The following ANXA8 variants were observed in gnomAD, a reference collection of about 807,000 sequenced individuals.
ANXA8 encodes the protein VAC-beta.
In ANXA8, 9 loss-of-function variants were observed where a neutral mutation model predicts 26.8. That is an observed-to-expected ratio of 0.34 (90% CI 0.20 to 0.59). ANXA8 has a LOEUF of 0.59. Ranked by LOEUF, ANXA8 falls within the 20% of genes least tolerant of loss-of-function variation. ANXA8 has a pLI of 0.84. For synonymous variants in ANXA8, 39 were observed against 94.8 expected (o/e 0.41, Z 3.42); for missense variants, 83 against 238.5 (o/e 0.35, Z 4.29).
the ANXA8 span, among the ~76,000 whole-genome samples, chr10:47,712,790 AC>A: frequency 1.2e-5 from 1 of 82,276 alleles, no homozygotes; most frequent in Non-Finnish European, 2.3e-5. Context: ...AGCATAAGGC[AC>A]TTTTTTTTTT....
chr10:47,694,417 C>CTTTTTTTTT, the ANXA8 span, among the ~76,000 whole-genome samples: 1 of 107,962 alleles, frequency 9.3e-6, no homozygotes, highest in Non-Finnish European at 1.8e-5. Context: ...AGAAATCTTC[C>CTTTTTTTTT]TTTTTTTTTT....
At chr10:47,682,643 G>A in the ANXA8 span, among the ~76,000 whole-genome samples, 1 of 151,340 alleles carries the variant, frequency 6.6e-6, no homozygotes, top group South Asian at 2.1e-4. Flanking sequence ...CAAATTTTTT[G>A]TGTTTTTAGT....
At chr10:47,671,351 G>T in the ANXA8 span, among the ~76,000 whole-genome samples, 3 of 151,798 alleles carry the variant, frequency 2.0e-5, no homozygotes, top group African/African-American at 7.3e-5. Flanking sequence ...GAGCCCAGGA[G>T]GTCAAGGCTG....
At chr10:47,664,713 G>A in the ANXA8 span, among the ~76,000 whole-genome samples, 2 of 149,534 alleles carry the variant, frequency 1.3e-5, no homozygotes, top group Non-Finnish European at 3.0e-5. Flanking sequence ...CGAGCCAGAG[G>A]AATATTGGGT....
the ANXA8 span, among the ~76,000 whole-genome samples, chr10:47,935,738 G>A: frequency 1.1e-4 from 15 of 139,136 alleles, no homozygotes; most frequent in African/African-American, 4.1e-4. Flanking sequence ...CCAAAGAGAT[G>A]AAAAGATGGG....
the ANXA8 span, among the ~76,000 whole-genome samples, chr10:47,535,270 G>A: frequency 3.0e-5 from 4 of 131,628 alleles, no homozygotes; most frequent in African/African-American, 3.5e-5. Flanking sequence ...CACCACTCCC[G>A]AACCCATTTT....
chr10:47,593,808 G>T, the ANXA8 span, among the ~76,000 whole-genome samples: 1 of 145,338 alleles, frequency 6.9e-6, no homozygotes, highest in Admixed American at 6.8e-5. Context: ...TTGTTCCCGG[G>T]TGTGTTTGGA....
At position 47,484,050 on chromosome 10, in the gene ANXA8, T is replaced by C; in HGVS notation, c.-117A>G. The C allele has an allele frequency of 6.2e-7, 1 of 1,610,502 alleles. No homozygotes were observed. ...GGAGTGAGCAGGCCGCTCACTTGGG[T>C]GTGGGGGTGCAAGCCCGCCCAGGGC... is the stretch of plus-strand genomic sequence containing the variant. On this transcript the variant is annotated 5_prime_UTR_variant, in exon 1 of 12. Transcript: ENST00000585281.
At chr10:47,646,871 AT>A in the ANXA8 span, among the ~76,000 whole-genome samples, 6 of 152,084 alleles carry the variant, frequency 3.9e-5, no homozygotes, top group Non-Finnish European at 8.8e-5. Context: ...AAGCAGTCCC[AT>A]TTTTATTTTG....
At chr10:47,693,698 A>G in the ANXA8 span, among the ~76,000 whole-genome samples, 1 of 151,812 alleles carries the variant, frequency 6.6e-6, no homozygotes, top group Non-Finnish European at 1.5e-5. Flanking sequence ...TGATTATATT[A>G]TTGGAGGTTC....
chr10:47,632,393 A>C, the ANXA8 span, among the ~76,000 whole-genome samples: 8,475 of 148,594 alleles, frequency 0.057, 63 homozygotes, highest in African/African-American at 0.094. Flanking sequence ...TATCCTGAGA[A>C]ATTTTCAAAT....
chr10:47,502,507 T>C, the ANXA8 span: 1,448 of 1,613,124 alleles, frequency 9.0e-4, 6 homozygotes, highest in African/African-American at 0.016. Flanking sequence ...CCAGATGCTG[T>C]TGGCTAGCTC....
chr10:47,688,793 GTT>G, the ANXA8 span, among the ~76,000 whole-genome samples: 2 of 145,782 alleles, frequency 1.4e-5, 1 homozygote, highest in Non-Finnish European at 3.0e-5. Context: ...TTACTAACTT[GTT>G]ATTTAAATGG....
At chr10:47,589,984 G>A in the ANXA8 span, among the ~76,000 whole-genome samples, 1 of 145,280 alleles carries the variant, frequency 6.9e-6, no homozygotes, top group Non-Finnish European at 1.5e-5. Context: ...GCTTGGTGAA[G>A]AGGCTCAGGA....
the ANXA8 span, among the ~76,000 whole-genome samples, chr10:47,631,123 A>C: frequency 4.4e-3 from 666 of 150,248 alleles, 25 homozygotes; most frequent in Admixed American, 0.033. Context: ...ATTGAAATTC[A>C]CTGAAATATG....
At chr10:47,558,503 T>G in the ANXA8 span, among the ~76,000 whole-genome samples, 1 of 151,078 alleles carries the variant, frequency 6.6e-6, no homozygotes, top group Non-Finnish European at 1.5e-5. Flanking sequence ...TAGTAATGCA[T>G]CAATGGAGTC....
At chr10:47,572,804 G>C in the ANXA8 span, among the ~76,000 whole-genome samples, 2 of 150,808 alleles carry the variant, frequency 1.3e-5, no homozygotes, top group South Asian at 4.2e-4. Context: ...CATTAGTTTT[G>C]TATGGAGCAG....
chr10:47,561,231 G>T, the ANXA8 span, among the ~76,000 whole-genome samples: 1 of 151,680 alleles, frequency 6.6e-6, no homozygotes, highest in African/African-American at 2.4e-5. Flanking sequence ...TTTTTCTGGT[G>T]AGAACATCTG....
the ANXA8 span, chr10:47,706,859 A>G: frequency 1.5e-6 from 1 of 687,506 alleles, no homozygotes; most frequent in South Asian, 1.8e-5. Context: ...TTCTTCTGTT[A>G]ACCTGAAAGA....
Sources: allele counts gnomAD v4.1 joint callset (sites outside exome capture counted in the v4.1 genomes callset), GRCh38; gene constraint gnomAD v4.1.1; transcripts MANE v1.5; gene names NCBI Gene and HGNC (gene_info 2026-07-23, HGNC 2026-07-21).